Variants in LRP6 observed in about 807,000 individuals in gnomAD.
LRP6 encodes low-density lipoprotein receptor-related protein 6.
In LRP6, 43 loss-of-function variants were observed where a neutral mutation model predicts 184.1. The observed-to-expected ratio is 0.23, with a 90% CI of 0.18 to 0.30. The LOEUF is 0.30. LRP6 is among the 10% of genes least tolerant of loss of function. The pLI is 1.00. For synonymous variants in LRP6, 719 were observed against 684.9 expected, an observed-to-expected ratio of 1.05 and a Z score of -0.78; for missense variants, 1,571 against 2,005.3, an observed-to-expected ratio of 0.78 and a Z score of 4.14.
intron 1 of LRP6, among the ~76,000 whole-genome samples, chr12:12,249,826 T>C (rs1259723187): frequency 6.6e-6 from 1 of 152,188 alleles, no homozygotes; most frequent in Non-Finnish European, 1.5e-5. Flanking sequence ...TAACTTTTTG[T>C]TGGCCATCTC....
chr12:12,247,183 T>C (rs751278460), intron 1 of LRP6, among the ~76,000 whole-genome samples: 5 of 152,180 alleles, frequency 3.3e-5, no homozygotes, highest in Non-Finnish European at 7.3e-5. Context: ...AAAAGGTCCC[T>C]ACTAGTGAAG....
chr12:12,159,377 G>C (rs560397905), intron 11 of LRP6, among the ~76,000 whole-genome samples: 7 of 152,130 alleles, frequency 4.6e-5, no homozygotes, highest in Non-Finnish European at 8.8e-5. Context: ...TTATATTCCT[G>C]CTACAAATCA....
rs1314886318 is a variant in LRP6 at position 12,167,257 on chromosome 12, A to G, written c.1546-1962T>C. On this transcript the variant is annotated intron_variant, in intron 7 of 22. Transcript: ENST00000261349. Reference sequence around the variant, plus strand: ...TCTGTTCTCTAAAAAATTTCTCATGATCAGCAAACAGTATTGTGGCAGAAA... The same window carrying G: ...TCTGTTCTCTAAAAAATTTCTCATGGTCAGCAAACAGTATTGTGGCAGAAA... Among the ~76,000 whole-genome samples, 21 of 152,260 alleles carry G rather than the reference A, an allele frequency of 1.4e-4. No individual in the cohort carries two copies. In the East Asian group the frequency reaches 3.3e-3, roughly 24 times the overall value.
Position 12,120,909 on chromosome 12 carries a change from T to A in LRP6, c.*217A>T, listed in dbSNP as rs17848277. 1.2e-5 allele frequency: 5 copies of A among 423,996 alleles called. No homozygotes were observed. In the East Asian group the frequency reaches 1.8e-4, roughly 15 times the overall value. The allele number at this position is 423,996 out of a possible 1,614,324, so 26.3% of individuals were successfully genotyped here. A position where few individuals can be genotyped will look rare whatever the true frequency, so the allele number is the denominator to read the frequency against. On this transcript the variant is annotated 3_prime_UTR_variant, in exon 23 of 23. Coordinates refer to ENST00000261349, the MANE Select transcript of LRP6 (RefSeq NM_002336.3). ...GTACAAATTTTTTTTATACAAACTT[T>A]TATGGCACAAGCAGCAAATCTGCTG...
chr12:12,176,132 G>A (rs1363522095), intron 7 of LRP6, among the ~76,000 whole-genome samples: 1 of 151,976 alleles, frequency 6.6e-6, no homozygotes, highest in Non-Finnish European at 1.5e-5. Context: ...TCAAAAACAT[G>A]AAAATTATTC....
intron 4 of LRP6, among the ~76,000 whole-genome samples, chr12:12,185,067 C>T (rs1041605567): frequency 6.6e-6 from 1 of 151,968 alleles, no homozygotes; most frequent in Non-Finnish European, 1.5e-5. Context: ...GGCCTAGGTG[C>T]GTGGATCACT....
At chr12:12,130,060 T>C (rs980825716) in intron 19 of LRP6, among the ~76,000 whole-genome samples, 3 of 152,184 alleles carry the variant, frequency 2.0e-5, no homozygotes, top group African/African-American at 7.2e-5. Context: ...TTAATTTTCT[T>C]ATAGGCATCA....
chr12:12,161,708 T>C (rs1862745903), intron 10 of LRP6, among the ~76,000 whole-genome samples: 1 of 152,244 alleles, frequency 6.6e-6, no homozygotes, highest in South Asian at 2.1e-4. Context: ...TTATTCTATC[T>C]TGTAATAACA....
In LRP6 at chr12:12,125,384, C is replaced by A; in HGVS notation, c.4361G>T (p.Gly1454Val). The A allele has an allele frequency of 6.2e-7, 1 of 1,613,722 alleles. No homozygotes were observed. Among genetic ancestry groups the A allele is most frequent in the South Asian group, 1.1e-5 (1 of 91,062 alleles). ...SMISSLSIMG[G>V]SSGPPYDRAH... ...TCGGTCATAGGGGGGTCCACTGCTT[C>A]CCCCCATGATACTGAGGGAGCTGAT... Residue 1454 changes from glycine (G) to valine (V), a missense_variant, in exon 21 of 23, where the codon GGA becomes GTA. Physicochemically the swap from Gly to Val is moderately radical, Grantham distance 109. This residue lies in a region of LRP6 where 763 missense variants were observed against 859.5 expected (regional missense o/e 0.89). Coordinates refer to ENST00000261349, the MANE Select transcript of LRP6 (RefSeq NM_002336.3).
chr12:12,126,884 TGTATTG>T lies in LRP6; in HGVS notation c.4113_4118del (p.Asn1372_Thr1373del). 6.2e-7 allele frequency: 1 copy of T among 1,614,118 alleles called. No individual in the cohort carries two copies. ...CAATTACGCCAATAACAGAACCAAC[TGTATTG>T]GTGGCCTGTGGTGCTGGTTCTTCAG... On this transcript the variant is annotated inframe_deletion, in exon 20 of 23. Transcript: ENST00000261349.
intron 2 of LRP6, among the ~76,000 whole-genome samples, chr12:12,220,307 T>C (rs1301948897): frequency 6.6e-6 from 1 of 151,812 alleles, no homozygotes. Flanking sequence ...AAAAAAATTC[T>C]TCCTTCATCC....
rs758337018 is a variant in LRP6, at chr12:12,138,927, C to T, written c.3398-393G>A. ...TTTATGAAGAACAGCTTCACTCTCA[C>T]CCCACCTGGCTTCTCAGAACACAAT... is the stretch of plus-strand genomic sequence containing the variant. On this transcript the variant is annotated intron_variant, in intron 15 of 22. Transcript: ENST00000261349. 7 of 1,368,544 alleles carry T rather than the reference C, an allele frequency of 5.1e-6. No individual in the cohort carries two copies. The East Asian group carries it at 2.3e-4, about 44-fold the overall frequency. The allele number at this position is 1,368,544 out of a possible 1,614,324, so 84.8% of individuals were successfully genotyped here.
At chr12:12,144,757 T>G (rs562861451) in intron 15 of LRP6, among the ~76,000 whole-genome samples, 1 of 152,298 alleles carries the variant, frequency 6.6e-6, no homozygotes, top group East Asian at 1.9e-4. Context: ...GTTCATGTCC[T>G]TTGCAGAGAC....
rs774182540 is a variant in LRP6 at position 12,266,772 on chromosome 12, G to A, written c.-37C>T. ...GCGTTCTCTTCTCTCACCGGCGAGGGGTGGCCAGAAGTGGGGGAGGCGAGG... is the reference window on the plus strand; with the variant it reads ...GCGTTCTCTTCTCTCACCGGCGAGGAGTGGCCAGAAGTGGGGGAGGCGAGG... On this transcript the variant is annotated 5_prime_UTR_variant, in exon 1 of 23. Coordinates refer to ENST00000261349, the MANE Select transcript of LRP6 (RefSeq NM_002336.3). 11 of 1,588,128 alleles carry A rather than the reference G, an allele frequency of 6.9e-6. No homozygotes were observed. In the East Asian group the frequency reaches 2.3e-4, roughly 33 times the overall value.
chr12:12,159,234 A>AT, intron 11 of LRP6, 79 bp from the exon 12 acceptor site: 3 of 1,065,842 alleles, frequency 2.8e-6, no homozygotes, highest in Non-Finnish European at 4.3e-6. Flanking sequence ...GCTGGCAAAA[A>AT]GAAAAAAAAA....
chr12:12,232,485 C>T (rs1864817202), intron 2 of LRP6, among the ~76,000 whole-genome samples: 1 of 149,930 alleles, frequency 6.7e-6, no homozygotes, highest in Non-Finnish European at 1.5e-5. Flanking sequence ...CCAAGTCATT[C>T]AGAATTCTCA....
chr12:12,264,442 T>C (rs539809260), intron 1 of LRP6, among the ~76,000 whole-genome samples: 4 of 152,178 alleles, frequency 2.6e-5, no homozygotes, highest in Non-Finnish European at 5.9e-5. Context: ...ATCTTTCCTT[T>C]ATACCTTGTC....
chr12:12,181,888 G>A (rs1176796746), intron 5 of LRP6, among the ~76,000 whole-genome samples: 1 of 152,178 alleles, frequency 6.6e-6, no homozygotes, highest in Non-Finnish European at 1.5e-5. Flanking sequence ...GGTGATAACT[G>A]CGTAACTCTG....
chr12:12,244,731 G>A (rs563210255), intron 1 of LRP6, 76 bp from the exon 2 acceptor site: 6 of 1,417,668 alleles, frequency 4.2e-6, no homozygotes, highest in Non-Finnish European at 2.9e-6. Context: ...GTTTCAAATC[G>A]GTTTAAGTGA....
Sources: gnomAD v4.1 joint callset for allele counts (sites outside exome capture counted in the v4.1 genomes callset) on GRCh38, gnomAD v4.1.1 for gene constraint, gnomAD v4.1.1 regional missense constraint, MANE v1.5 for transcripts, NCBI Gene and HGNC (gene_info 2026-07-23, HGNC 2026-07-21) for gene names.